The following MYO5A variants were observed in gnomAD, a reference collection of about 807,000 sequenced individuals.
MYO5A encodes unconventional myosin-Va.
MYO5A carries 98 observed loss-of-function variants against 249.7 expected under a neutral mutation model. The observed-to-expected ratio is 0.39, with a 90% CI of 0.33 to 0.46. The LOEUF (loss-of-function observed/expected upper bound fraction) is 0.46, where lower values mean the gene tolerates loss of function less well. Among genes scored for constraint, MYO5A ranks in the 20% least tolerant of loss-of-function variants. MYO5A has a pLI of 0.98. For missense variants in MYO5A, 1,696 were observed against 2,308.8 expected, an observed-to-expected ratio of 0.73 and a Z score of 5.44; for synonymous variants, 778 against 810.6, an observed-to-expected ratio of 0.96 and a Z score of 0.68.
intron 5 of MYO5A, among the ~76,000 whole-genome samples, chr15:52,411,709 T>TA (rs1310930410): frequency 6.6e-6 from 1 of 152,218 alleles, no homozygotes; most frequent in East Asian, 1.9e-4. Flanking sequence ...AATGTAGTTT[T>TA]AAGAGTGATA....
rs11633035 is a variant in MYO5A, at chr15:52,310,496, G to C, written c.*3200C>G. On this transcript the variant is annotated 3_prime_UTR_variant, in exon 42 of 42. Coordinates refer to ENST00000399233, the MANE Select transcript of MYO5A (RefSeq NM_001382347.1). ...CTTTGAATTCCCATTGTGTGTCACA[G>C]AGGAATTAAGAAAAAGTTGATGACT... 1 of 152,232 alleles carries C rather than the reference G, an allele frequency of 6.6e-6. No homozygotes were observed. The highest frequency in any genetic ancestry group is 1.5e-5 in the Non-Finnish European group (1 of 68,046). 9.4% of individuals were successfully genotyped at this position (152,232 alleles called of 1,614,324 possible). A position where few individuals can be genotyped will look rare whatever the true frequency, so the allele number is the denominator to read the frequency against.
chr15:52,366,019 G>C (rs1021276166), intron 23 of MYO5A, among the ~76,000 whole-genome samples: 1 of 152,034 alleles, frequency 6.6e-6, no homozygotes, highest in African/African-American at 2.4e-5. Flanking sequence ...ATTAATTCCA[G>C]GTTTTCTTCT....
intron 1 of MYO5A, among the ~76,000 whole-genome samples, 169 bp from the exon 2 acceptor site, chr15:52,433,454 CTT>C (rs1279359695): frequency 8.4e-6 from 1 of 118,916 alleles, no homozygotes; most frequent in African/African-American, 3.3e-5. Flanking sequence ...GAGTTAAGCT[CTT>C]GTTGCCCAGG....
intron 25 of MYO5A, among the ~76,000 whole-genome samples, chr15:52,355,522 A>C (rs1339873944): frequency 6.6e-6 from 1 of 152,182 alleles, no homozygotes; most frequent in Non-Finnish European, 1.5e-5. Context: ...CTGCAGATAG[A>C]CCTGTGCTGC....
At chr15:52,320,093 G>C (rs1300459016) in intron 38 of MYO5A, among the ~76,000 whole-genome samples, 2 of 152,176 alleles carry the variant, frequency 1.3e-5, no homozygotes, top group Non-Finnish European at 2.9e-5. Flanking sequence ...CTGGAGAGCT[G>C]GGCCCTTCCT....
chr15:52,402,940 T>C (rs1017543338), intron 9 of MYO5A, among the ~76,000 whole-genome samples: 3 of 152,212 alleles, frequency 2.0e-5, no homozygotes, highest in Non-Finnish European at 4.4e-5. Flanking sequence ...GTAGTACTTA[T>C]AGCTATCATC....
rs188732412 is a variant in MYO5A, at chr15:52,475,171, G to C, written c.28-41886C>G. 2.6e-5 allele frequency among the ~76,000 whole-genome samples: 4 copies of C among 152,324 alleles called. No homozygotes were observed. The East Asian group carries it at 7.7e-4, about 29-fold the overall frequency. On this transcript the variant is annotated intron_variant, in intron 1 of 41. Coordinates refer to ENST00000399233, the MANE Select transcript of MYO5A (RefSeq NM_001382347.1). ...TTCTTCTAGATTTTCTAGTTTACTTGTGTAGAGGTGTTTACAGTATTCTCT... is the reference window on the plus strand; with the variant it reads ...TTCTTCTAGATTTTCTAGTTTACTTCTGTAGAGGTGTTTACAGTATTCTCT...
chr15:52,386,533 T>G, intron 14 of MYO5A, among the ~76,000 whole-genome samples: 1 of 151,962 alleles, frequency 6.6e-6, no homozygotes, highest in East Asian at 1.9e-4. Flanking sequence ...TAATGCCCAG[T>G]GCCTGTTAGA....
chr15:52,498,184 T>C (rs1292697999), intron 1 of MYO5A, among the ~76,000 whole-genome samples: 3 of 152,136 alleles, frequency 2.0e-5, no homozygotes, highest in Non-Finnish European at 4.4e-5. Context: ...ACTAATAAAA[T>C]TATAAAACAC....
intron 1 of MYO5A, among the ~76,000 whole-genome samples, chr15:52,466,364 C>G (rs936580257): frequency 6.6e-6 from 1 of 152,078 alleles, no homozygotes; most frequent in African/African-American, 2.4e-5. Flanking sequence ...TGGGCTCCCC[C>G]CAACCCCACC....
intron 4 of MYO5A, among the ~76,000 whole-genome samples, chr15:52,424,413 T>C (rs1056207417): frequency 6.6e-6 from 1 of 152,148 alleles, no homozygotes; most frequent in Non-Finnish European, 1.5e-5. Context: ...ATTTGTAAAA[T>C]GAAAATTAAT....
At chr15:52,473,431 G>A (rs2076520629) in intron 1 of MYO5A, among the ~76,000 whole-genome samples, 1 of 152,142 alleles carries the variant, frequency 6.6e-6, no homozygotes, top group South Asian at 2.1e-4. Flanking sequence ...GGCTTTTGTT[G>A]CCATTGCTTT....
chr15:52,478,678 T>C (rs1014558891), intron 1 of MYO5A, among the ~76,000 whole-genome samples: 15 of 152,216 alleles, frequency 9.9e-5, no homozygotes, highest in African/African-American at 3.6e-4. Context: ...GTTGTCAGGT[T>C]TACTGTATTG....
chr15:52,313,588 A>G lies in MYO5A; in HGVS notation c.*108T>C. ...CAGTTAATGACTTCTCATTTGGGAG[A>G]TAATCAGTACTTTCTCTTTAAAAAT... On this transcript the variant is annotated 3_prime_UTR_variant, in exon 42 of 42. Transcript: ENST00000399233. The G allele has an allele frequency of 7.4e-7, 1 of 1,351,032 alleles. No homozygotes were observed. 83.7% of individuals were successfully genotyped at this position (1,351,032 alleles called of 1,614,324 possible).
chr15:52,411,431 G>A (rs919425987), intron 5 of MYO5A, among the ~76,000 whole-genome samples: 1 of 151,996 alleles, frequency 6.6e-6, no homozygotes, highest in Non-Finnish European at 1.5e-5. Context: ...ACAGAATACA[G>A]AGAATATAAC....
At chr15:52,316,058 C>T (rs2037993147) in intron 40 of MYO5A, among the ~76,000 whole-genome samples, 1 of 150,864 alleles carries the variant, frequency 6.6e-6, no homozygotes, top group Non-Finnish European at 1.5e-5. Flanking sequence ...CATGGTGAAA[C>T]CCCATCTTTA....
Position 52,321,099 on chromosome 15 carries a change from A to T in MYO5A, c.4951+260T>A, listed in dbSNP as rs139027106. 4.1e-4 allele frequency among the ~76,000 whole-genome samples: 62 copies of T among 152,298 alleles called. 2 individuals are homozygous for T. In the East Asian group the frequency reaches 6.4e-3, roughly 16 times the overall value. ...AAGACAATTTTTTAAAATTCAATGC[A>T]TTCAACTGAATTTAAACAGTAAACA... On this transcript the variant is annotated intron_variant, in intron 38 of 41. Transcript: ENST00000399233.
chr15:52,396,167 ATGT>A, intron 11 of MYO5A, 146 bp downstream of exon 11: 1 of 623,114 alleles, frequency 1.6e-6, no homozygotes, highest in Admixed American at 3.0e-5. Context: ...CATTTTTCTA[ATGT>A]TGTACCATTC....
chr15:52,420,987 A>G (rs940973), intron 4 of MYO5A, among the ~76,000 whole-genome samples: 22,432 of 152,184 alleles, frequency 0.15, 1,781 homozygotes, highest in Middle Eastern at 0.22. Context: ...GATCTGCTCC[A>G]GGGATATAAT....
Sources: gnomAD v4.1 joint callset for allele counts (sites outside exome capture counted in the v4.1 genomes callset) on GRCh38, gnomAD v4.1.1 for gene constraint, MANE v1.5 for transcripts, NCBI Gene and HGNC (gene_info 2026-07-23, HGNC 2026-07-21) for gene names.